INPP4B: variants seen among roughly 807,000 people sequenced by gnomAD.
The protein encoded by INPP4B is inositol polyphosphate-4-phosphatase type II B, also known as inositol polyphosphate 4-phosphatase type II.
Under a neutral mutation model 122.5 loss-of-function variants are expected in INPP4B, and 55 were observed. That is an observed-to-expected ratio of 0.45 (90% CI 0.36 to 0.56). The LOEUF (loss-of-function observed/expected upper bound fraction) is 0.56. Ranked by LOEUF, INPP4B falls within the 20% of genes least tolerant of loss-of-function variation. The pLI is 0.00. For synonymous variants in INPP4B, 403 were observed against 388.7 expected, an observed-to-expected ratio of 1.04 and a Z score of -0.43; for missense variants, 1,000 against 1,097.7, an observed-to-expected ratio of 0.91 and a Z score of 1.26.
intron 2 of INPP4B, among the ~76,000 whole-genome samples, chr4:142,581,556 TCTA>T (rs1735087272): frequency 7.0e-5 from 1 of 14,258 alleles, no homozygotes; most frequent in Non-Finnish European, 1.9e-4. Flanking sequence ...TCCATTTCTA[TCTA>T]TTAGAAATAG....
At chr4:142,772,465 T>C (rs1365726575) in intron 1 of INPP4B, among the ~76,000 whole-genome samples, 1 of 152,132 alleles carries the variant, frequency 6.6e-6, no homozygotes, top group Non-Finnish European at 1.5e-5. Flanking sequence ...TCCCAGACTA[T>C]CGCATTTCAG....
chr4:142,232,440 T>C (rs1854804221), intron 12 of INPP4B, among the ~76,000 whole-genome samples: 2 of 152,136 alleles, frequency 1.3e-5, no homozygotes, highest in Non-Finnish European at 1.5e-5. Flanking sequence ...CAGTGATCTT[T>C]GATATTACTA....
chr4:142,087,429 T>A (rs1777393969), intron 23 of INPP4B, among the ~76,000 whole-genome samples: 1 of 152,148 alleles, frequency 6.6e-6, no homozygotes, highest in African/African-American at 2.4e-5. Context: ...GACCCAAATG[T>A]CCCCAAGACT....
At chr4:142,074,634 T>C (rs527973684) in intron 25 of INPP4B, among the ~76,000 whole-genome samples, 2 of 152,238 alleles carry the variant, frequency 1.3e-5, no homozygotes, top group South Asian at 4.1e-4. Context: ...TGTTTTGCTG[T>C]TACTTAAAAT....
intron 2 of INPP4B, among the ~76,000 whole-genome samples, chr4:142,480,190 G>A (rs1346635414): frequency 6.6e-6 from 1 of 152,160 alleles, no homozygotes; most frequent in Non-Finnish European, 1.5e-5. Context: ...TCTCCTAATT[G>A]AGTTGTTCAA....
rs1408155847 is a variant in INPP4B, at chr4:142,346,006, C to T, written c.373-31244G>A. Among the ~76,000 whole-genome samples the T allele has an allele frequency of 2.6e-5, 4 of 152,064 alleles. No individual in the cohort carries two copies. The South Asian group carries it at 8.3e-4, about 32-fold the overall frequency. On this transcript the variant is annotated intron_variant, in intron 7 of 25. Transcript: ENST00000262992. ...ACCTCAGTTTGCTGATATAAACAGG[C>T]AGTTGCAAATCTTTCTCATTAAGAC...
chr4:142,576,841 C>A (rs901566801), intron 2 of INPP4B, among the ~76,000 whole-genome samples: 3 of 152,130 alleles, frequency 2.0e-5, no homozygotes, highest in East Asian at 1.9e-4. Flanking sequence ...ACAGAATGTG[C>A]TATATTTTCC....
chr4:142,039,817 T>C (rs1241823646), intron 25 of INPP4B, among the ~76,000 whole-genome samples: 1 of 152,182 alleles, frequency 6.6e-6, no homozygotes, highest in East Asian at 1.9e-4. Flanking sequence ...AAAAGAATGC[T>C]AATATGTGAT....
intron 2 of INPP4B, among the ~76,000 whole-genome samples, chr4:142,581,163 A>G (rs967725839): frequency 3.3e-5 from 5 of 152,088 alleles, no homozygotes; most frequent in African/African-American, 1.2e-4. Context: ...TCAGGTTAAA[A>G]AAATATACTT....
chr4:142,328,552 G>A (rs1161549107), intron 7 of INPP4B, among the ~76,000 whole-genome samples: 1 of 152,108 alleles, frequency 6.6e-6, no homozygotes, highest in East Asian at 1.9e-4. Flanking sequence ...CAGAGAAGCA[G>A]ACATGACAAT....
rs576399584 is a variant in INPP4B, at chr4:142,385,200, G to A, written c.372+17738C>T. Among the ~76,000 whole-genome samples the A allele has an allele frequency of 5.1e-4, 77 of 152,236 alleles. 2 individuals carry two copies. The highest frequency in any genetic ancestry group is 8.5e-4 in the Non-Finnish European group (58 of 68,014). On this transcript the variant is annotated intron_variant, in intron 7 of 25. Transcript: ENST00000262992. ...GAATCACTACACTGTCCTCCACAGC[G>A]GTTGAACTAATTTACACTCCCACTA... is the stretch of plus-strand genomic sequence containing the variant.
intron 12 of INPP4B, among the ~76,000 whole-genome samples, chr4:142,216,954 T>C (rs2149646864): frequency 6.6e-6 from 1 of 152,280 alleles, no homozygotes. Context: ...TTTTTAAACT[T>C]TATTCCTTAT....
At chr4:142,603,084 T>A (rs985009937) in intron 2 of INPP4B, among the ~76,000 whole-genome samples, 1 of 152,130 alleles carries the variant, frequency 6.6e-6, no homozygotes. Context: ...TGCAGGGACA[T>A]GGATGGAGCT....
intron 1 of INPP4B, among the ~76,000 whole-genome samples, chr4:142,834,043 A>G (rs929508932): frequency 6.6e-6 from 1 of 152,154 alleles, no homozygotes; most frequent in African/African-American, 2.4e-5. Context: ...GTTAGTATTC[A>G]TATTATCAAA....
At chr4:142,369,128 C>T (rs141968038) in intron 7 of INPP4B, among the ~76,000 whole-genome samples, 1 of 152,196 alleles carries the variant, frequency 6.6e-6, no homozygotes, top group Non-Finnish European at 1.5e-5. Context: ...AGGGGTTACA[C>T]TTGTGTGGGC....
intron 3 of INPP4B, among the ~76,000 whole-genome samples, chr4:142,434,174 C>G (rs188815568): frequency 7.2e-5 from 11 of 152,204 alleles, no homozygotes; most frequent in Non-Finnish European, 1.3e-4. Context: ...AATCCTTTAC[C>G]TCTCATTTAG....
rs59720260 is a variant in INPP4B at position 142,567,583 on chromosome 4, A to G, written c.-190-104857T>C. 4.6e-3 allele frequency among the ~76,000 whole-genome samples: 698 copies of G among 152,294 alleles called. 7 individuals are homozygous for G. The highest frequency in any genetic ancestry group is 0.016 in the African/African-American group (665 of 41,576). On this transcript the variant is annotated intron_variant, in intron 2 of 25. Coordinates refer to ENST00000262992, the MANE Select transcript of INPP4B (RefSeq NM_001101669.3). ...TTTAGGTAATACATGAAAATGTTGA[A>G]TAAATATATGCTGAAATAAGTAAGT... is the stretch of plus-strand genomic sequence containing the variant.
At chr4:142,809,750 T>G (rs1779270745) in intron 1 of INPP4B, among the ~76,000 whole-genome samples, 1 of 152,164 alleles carries the variant, frequency 6.6e-6, no homozygotes, top group South Asian at 2.1e-4. Context: ...TGTTTTCTCC[T>G]TATGACTGAT....
At chr4:142,573,851 C>G (rs1461422924) in intron 2 of INPP4B, among the ~76,000 whole-genome samples, 1 of 152,086 alleles carries the variant, frequency 6.6e-6, no homozygotes, top group Non-Finnish European at 1.5e-5. Flanking sequence ...ACCTTGCATT[C>G]TATTGACAGT....
Sources: gnomAD v4.1 joint callset for allele counts (sites outside exome capture counted in the v4.1 genomes callset) on GRCh38, gnomAD v4.1.1 for gene constraint, MANE v1.5 for transcripts, NCBI Gene and HGNC (gene_info 2026-07-23, HGNC 2026-07-21) for gene names.